Variants in WWOX observed in about 807,000 individuals in gnomAD.
WWOX encodes the protein WW domain containing oxidoreductase.
In WWOX, 69 loss-of-function variants were observed where a neutral mutation model predicts 46.2. That is an observed-to-expected ratio of 1.49 (90% confidence interval 1.23 to 1.82). WWOX has a LOEUF of 1.82. Among genes scored for constraint, WWOX ranks in the 40% most tolerant of loss-of-function variants. WWOX has a pLI of 0.00. For synonymous variants in WWOX, 359 were observed against 202.6 expected, an observed-to-expected ratio of 1.77 and a Z score of -6.56; for missense variants, 919 against 542.6, an observed-to-expected ratio of 1.69 and a Z score of -6.89.
intron 8 of WWOX, among the ~76,000 whole-genome samples, chr16:78,744,152 A>T (rs2049293348): frequency 6.6e-6 from 1 of 152,184 alleles, no homozygotes; most frequent in South Asian, 2.1e-4. Flanking sequence ...CAGGCATTTG[A>T]TACAGATCAG....
At chr16:78,997,111 A>C (rs571603556) in intron 8 of WWOX, among the ~76,000 whole-genome samples, 1 of 150,642 alleles carries the variant, frequency 6.6e-6, no homozygotes, top group Non-Finnish European at 1.5e-5. Context: ...CTGCTCTTCA[A>C]TGTAGACATA....
chr16:78,434,451 A>G (rs1042164051), intron 8 of WWOX, among the ~76,000 whole-genome samples: 1 of 152,200 alleles, frequency 6.6e-6, no homozygotes, highest in Non-Finnish European at 1.5e-5. Context: ...TTCAGTTTAC[A>G]TGAAAAGAAG....
intron 8 of WWOX, chr16:78,525,814 A>G (rs1448405735): frequency 6.7e-6 from 1 of 148,610 alleles, no homozygotes; most frequent in Admixed American, 6.8e-5. Context: ...CTTGAGACTC[A>G]CTAGAAGTTT....
At chr16:79,169,435 G>A (rs977766736) in intron 8 of WWOX, among the ~76,000 whole-genome samples, 1 of 152,206 alleles carries the variant, frequency 6.6e-6, no homozygotes, top group Non-Finnish European at 1.5e-5. Context: ...CCCTGCAGCT[G>A]CAGAGGGTCT....
intron 8 of WWOX, among the ~76,000 whole-genome samples, chr16:78,981,043 A>G (rs993339190): frequency 6.6e-6 from 1 of 152,150 alleles, no homozygotes. Flanking sequence ...GCATTTTTGT[A>G]TGTCATGCAG....
At chr16:78,214,422 C>G (rs1438012333) in intron 5 of WWOX, among the ~76,000 whole-genome samples, 2 of 152,164 alleles carry the variant, frequency 1.3e-5, no homozygotes, top group Non-Finnish European at 2.9e-5. Context: ...GGCTGGCATT[C>G]TGTGCACAAT....
chr16:78,429,768 T>C (rs553342673), intron 7 of WWOX, among the ~76,000 whole-genome samples: 5 of 152,318 alleles, frequency 3.3e-5, no homozygotes, highest in Admixed American at 2.0e-4. Flanking sequence ...TGCACAAATA[T>C]ATTTTCAATT....
chr16:78,749,780 G>T (rs79160764), intron 8 of WWOX, among the ~76,000 whole-genome samples: 8 of 152,184 alleles, frequency 5.3e-5, no homozygotes, highest in Non-Finnish European at 7.3e-5. Context: ...TACCTGAAAT[G>T]CAACTGTACT....
intron 8 of WWOX, among the ~76,000 whole-genome samples, chr16:78,742,765 C>A (rs941509860): frequency 6.6e-6 from 1 of 152,180 alleles, no homozygotes; most frequent in African/African-American, 2.4e-5. Context: ...GAGTTTCCAT[C>A]CATCAACTCT....
chr16:79,043,209 A>T (rs770142266), intron 8 of WWOX, among the ~76,000 whole-genome samples: 2 of 152,164 alleles, frequency 1.3e-5, no homozygotes, highest in Non-Finnish European at 2.9e-5. Context: ...AATGAAAAAA[A>T]AATCTATGTA....
In WWOX at chr16:78,936,075, G is replaced by T. The variant is rs112838420; in HGVS notation, c.1057-275533G>T. On this transcript the variant is annotated intron_variant, in intron 8 of 8. Transcript: ENST00000566780. ...GTGGAGACTGGCCATAAGTTGGGAGGGTAAGTAATTGGTTGTGATTGAAAG... is the reference window on the plus strand; with the variant it reads ...GTGGAGACTGGCCATAAGTTGGGAGTGTAAGTAATTGGTTGTGATTGAAAG... 7.9e-5 allele frequency among the ~76,000 whole-genome samples: 12 copies of T among 152,160 alleles called. 1 individual carries two copies. The highest frequency in any genetic ancestry group is 2.9e-4 in the African/African-American group (12 of 41,486).
chr16:78,335,001 C>G (rs2080854778), intron 5 of WWOX, among the ~76,000 whole-genome samples: 1 of 151,794 alleles, frequency 6.6e-6, no homozygotes, highest in African/African-American at 2.4e-5. Context: ...CAGAGGTTCC[C>G]CAAGTAGCCC....
At chr16:78,631,345 C>G (rs943782535) in intron 8 of WWOX, among the ~76,000 whole-genome samples, 1 of 152,090 alleles carries the variant, frequency 6.6e-6, no homozygotes, top group South Asian at 2.1e-4. Context: ...TGAGACAGAG[C>G]TGGACAGGTC....
intron 5 of WWOX, among the ~76,000 whole-genome samples, chr16:78,313,747 T>C (rs1393107287): frequency 6.6e-6 from 1 of 152,222 alleles, no homozygotes; most frequent in East Asian, 1.9e-4. Flanking sequence ...TCCCCTTGTC[T>C]ACATTTTGAG....
At chr16:78,655,425 T>C (rs1300475731) in intron 8 of WWOX, among the ~76,000 whole-genome samples, 1 of 152,184 alleles carries the variant, frequency 6.6e-6, no homozygotes, top group Non-Finnish European at 1.5e-5. Flanking sequence ...ATCCATAATG[T>C]TTTTAGAAGT....
At chr16:78,568,897 C>T (rs765505827) in intron 8 of WWOX, among the ~76,000 whole-genome samples, 2 of 152,174 alleles carry the variant, frequency 1.3e-5, no homozygotes, top group Admixed American at 1.3e-4. Flanking sequence ...GTAGATGCAT[C>T]TAATAATCCT....
At chr16:78,670,420 G>A (rs1159262271) in intron 8 of WWOX, among the ~76,000 whole-genome samples, 3 of 152,296 alleles carry the variant, frequency 2.0e-5, no homozygotes, top group Middle Eastern at 6.8e-3. Context: ...TGCTGCATTG[G>A]TGTGTTACGT....
intron 5 of WWOX, among the ~76,000 whole-genome samples, chr16:78,272,324 C>T (rs948823212): frequency 1.3e-5 from 2 of 151,862 alleles, no homozygotes; most frequent in African/African-American, 4.8e-5. Context: ...GGACTCTTAC[C>T]CAGAGCCCTA....
chr16:78,952,813 A>T (rs900383202), intron 8 of WWOX, among the ~76,000 whole-genome samples: 1 of 152,174 alleles, frequency 6.6e-6, no homozygotes, highest in African/African-American at 2.4e-5. Flanking sequence ...ACAAGTGTTT[A>T]TTGAATGAGT....
Sources: gnomAD v4.1 joint callset for allele counts (sites outside exome capture counted in the v4.1 genomes callset) on GRCh38, gnomAD v4.1.1 for gene constraint, MANE v1.5 for transcripts, NCBI Gene and HGNC (gene_info 2026-07-23, HGNC 2026-07-21) for gene names.